EMILIN2: variants seen among roughly 807,000 people sequenced by gnomAD.
EMILIN2 encodes elastin microfibril interfacer 2, also known as EMILIN-2.
In EMILIN2, 71 loss-of-function variants were observed where a neutral mutation model predicts 87.1. The observed-to-expected ratio is 0.82, with a 90% CI of 0.67 to 0.99. The LOEUF is 0.99. Ranked by LOEUF, EMILIN2 falls within the 50% of genes least tolerant of loss-of-function variation. The pLI, the probability that EMILIN2 is intolerant of heterozygous loss-of-function variation, is 0.00. For missense variants in EMILIN2, 1,407 were observed against 1,371.8 expected (o/e 1.03, Z -0.40); for synonymous variants, 581 against 563.4 (o/e 1.03, Z -0.44).
intron 2 of EMILIN2, among the ~76,000 whole-genome samples, chr18:2,852,894 G>C (rs2076608495): frequency 2.6e-5 from 4 of 152,152 alleles, no homozygotes; most frequent in South Asian, 2.1e-4. Flanking sequence ...TTCTCTCTCT[G>C]TGTCTCTCTC....
intron 2 of EMILIN2, among the ~76,000 whole-genome samples, chr18:2,877,532 CTT>C (rs570515127): frequency 6.7e-6 from 1 of 150,346 alleles, no homozygotes; most frequent in Admixed American, 6.6e-5. Context: ...TATCCCAACA[CTT>C]TGGGAGGCTG....
At chr18:2,905,775 GTTTTTTTGTT>G (rs1258243754) in intron 4 of EMILIN2, among the ~76,000 whole-genome samples, 1,013 of 92,720 alleles carry the variant, frequency 0.011, 14 homozygotes, top group African/African-American at 0.041. Flanking sequence ...GCTAATTTTT[GTTTTTTTGTT>G]TTTTTTTTTT....
intron 2 of EMILIN2, among the ~76,000 whole-genome samples, chr18:2,867,504 G>T (rs548041979): frequency 3.3e-5 from 5 of 152,130 alleles, no homozygotes; most frequent in African/African-American, 9.7e-5. Flanking sequence ...GCGGCCTTCC[G>T]CAGTGTTTGT....
At chr18:2,886,413 T>G (rs1391745807) in intron 3 of EMILIN2, among the ~76,000 whole-genome samples, 6 of 152,210 alleles carry the variant, frequency 3.9e-5, no homozygotes, top group African/African-American at 1.4e-4. Flanking sequence ...TTATAAGGAC[T>G]AATAGGAAAA....
At chr18:2,893,998 C>G (rs760896036) in intron 4 of EMILIN2, among the ~76,000 whole-genome samples, 21 of 152,310 alleles carry the variant, frequency 1.4e-4, no homozygotes, top group African/African-American at 2.9e-4. Flanking sequence ...TGACCTCCCC[C>G]TCCCTGTTTT....
At chr18:2,856,887 G>C (rs1376349046) in intron 2 of EMILIN2, among the ~76,000 whole-genome samples, 1 of 152,200 alleles carries the variant, frequency 6.6e-6, no homozygotes, top group Non-Finnish European at 1.5e-5. Flanking sequence ...CATGACAGCA[G>C]TTCACACTGA....
chr18:2,867,279 CTTCT>C (rs2076691120), intron 2 of EMILIN2, among the ~76,000 whole-genome samples: 5 of 151,776 alleles, frequency 3.3e-5, no homozygotes, highest in Admixed American at 2.0e-4. Flanking sequence ...GGTACCAATT[CTTCT>C]TTATTTTATT....
intron 5 of EMILIN2, among the ~76,000 whole-genome samples, chr18:2,908,704 C>G (rs954114447): frequency 6.6e-6 from 1 of 152,202 alleles, no homozygotes; most frequent in African/African-American, 2.4e-5. Context: ...CCAGCTTGCC[C>G]TCAGTGCCCT....
chr18:2,909,992 C>G (rs1013536095), intron 7 of EMILIN2, among the ~76,000 whole-genome samples, 173 bp downstream of exon 7: 2 of 152,334 alleles, frequency 1.3e-5, no homozygotes, highest in East Asian at 1.9e-4. Flanking sequence ...TGGGCTTTCA[C>G]GTAGAACGTG....
chr18:2,894,578 C>T lies in EMILIN2; in HGVS notation c.2359+2092C>T, dbSNP rs1355619125. ...CAGTTGATTTGGAACTCCCTGGTGGCGTGGGAAGCTGTGTTAACATTTTCG... is the reference window on the plus strand; with the variant it reads ...CAGTTGATTTGGAACTCCCTGGTGGTGTGGGAAGCTGTGTTAACATTTTCG... On this transcript the variant is annotated intron_variant, in intron 4 of 7. Transcript: ENST00000254528. This position sits in a 1 kb window ranked among gnomAD's most constrained non-coding sequence, Gnocchi z 5.0. Among the ~76,000 whole-genome samples, 1 of 152,170 alleles carries T rather than the reference C, an allele frequency of 6.6e-6. No homozygotes were observed. The highest frequency in any genetic ancestry group is 2.1e-4 in the South Asian group (1 of 4,816).
Position 2,891,945 on chromosome 18 carries a change from G to A in EMILIN2, c.1818G>A (p.Gln606=), listed in dbSNP as rs1048941402. The A allele has an allele frequency of 6.2e-7, 1 of 1,614,204 alleles. No individual in the cohort carries two copies. The highest frequency in any genetic ancestry group is 1.3e-5 in the African/African-American group (1 of 75,060). The change falls in exon 4 of 8, where the codon CAG becomes CAA. Residue 606 remains glutamine, a synonymous_variant. Transcript: ENST00000254528. The surrounding 1 kb of genome is among the most constrained non-coding windows in gnomAD (Gnocchi z 4.6). Reference sequence around the variant, plus strand: ...AACAAACCATCCAGAAACTTCAACAGGATTTTAGTTTTCTTTATTCTCAAT... The same window carrying A: ...AACAAACCATCCAGAAACTTCAACAAGATTTTAGTTTTCTTTATTCTCAAT... ...ETEQTIQKLQ[Q]DFSFLYSQLN... is the part of the protein sequence containing the mutation.
At chr18:2,856,231 A>C (rs893604648) in intron 2 of EMILIN2, among the ~76,000 whole-genome samples, 12 of 152,180 alleles carry the variant, frequency 7.9e-5, no homozygotes, top group Non-Finnish European at 1.6e-4. Context: ...ATAAAATTTA[A>C]GTGTAAAAAA....
At chr18:2,867,899 G>A (rs2076695173) in intron 2 of EMILIN2, among the ~76,000 whole-genome samples, 1 of 152,196 alleles carries the variant, frequency 6.6e-6, no homozygotes. Context: ...GCCGGGCAGA[G>A]GGGCTCCTCA....
At chr18:2,867,935 A>T (rs1166583231) in intron 2 of EMILIN2, among the ~76,000 whole-genome samples, 1 of 151,794 alleles carries the variant, frequency 6.6e-6, no homozygotes, top group South Asian at 2.1e-4. Context: ...GGCCGGGCAG[A>T]GGCGCCCCTC....
rs2076951618 is a variant in EMILIN2 at position 2,913,335 on chromosome 18, C to CA, written c.3094dup (p.Thr1032AsnfsTer4). ...TGGTGACTGGGGGCAAGCTGGCTCA[C>CA]ACAGACTTTGATGAAATGTACTCCA... On this transcript the variant is annotated frameshift_variant, in exon 8 of 8. Coordinates refer to ENST00000254528, the MANE Select transcript of EMILIN2 (RefSeq NM_032048.3). LOFTEE classifies it high-confidence loss of function. The CA allele has an allele frequency of 6.2e-7, 1 of 1,612,658 alleles. No individual in the cohort carries two copies. Among genetic ancestry groups the CA allele is most frequent in the Admixed American group, 1.7e-5 (1 of 59,822 alleles).
At chr18:2,856,276 C>T (rs769140075) in intron 2 of EMILIN2, among the ~76,000 whole-genome samples, 53 of 152,106 alleles carry the variant, frequency 3.5e-4, no homozygotes, top group Middle Eastern at 3.4e-3. Flanking sequence ...CACTGGAAGC[C>T]GAGCCAGCAG....
At chr18:2,884,177 C>T (rs1377508118) in intron 2 of EMILIN2, among the ~76,000 whole-genome samples, 2 of 152,168 alleles carry the variant, frequency 1.3e-5, no homozygotes, top group Admixed American at 1.3e-4. Context: ...AGGATGGTCT[C>T]GATCTCCTGA....
chr18:2,851,023 T>C (rs1483328184), intron 2 of EMILIN2, among the ~76,000 whole-genome samples: 1 of 150,230 alleles, frequency 6.7e-6, no homozygotes, highest in Non-Finnish European at 1.5e-5. Flanking sequence ...TGTGTGAGAT[T>C]GAGGGAGTGA....
intron 2 of EMILIN2, among the ~76,000 whole-genome samples, chr18:2,858,573 GTGTGTGTGTGTATATATATATATATATA>G (rs2076642771): frequency 5.4e-5 from 3 of 55,568 alleles, no homozygotes; most frequent in African/African-American, 3.1e-4. Flanking sequence ...ATATATATGT[GTGTGTGTGTGTATATATATATATATATA>G]TGTGTATATA....
Sources: allele counts gnomAD v4.1 joint callset (sites outside exome capture counted in the v4.1 genomes callset), GRCh38; gene constraint gnomAD v4.1.1; non-coding constraint Gnocchi (gnomAD v3.1); transcripts MANE v1.5; gene names NCBI Gene and HGNC (gene_info 2026-07-23, HGNC 2026-07-21).